Variants in COL19A1 observed in about 807,000 individuals in gnomAD.
The protein encoded by COL19A1 is collagen alpha-1(XIX) chain.
Under a neutral mutation model 190.2 loss-of-function variants are expected in COL19A1, and 159 were observed. That is an observed-to-expected ratio of 0.84 (90% CI 0.73 to 0.95). The LOEUF is 0.95. COL19A1 is among the 40% of genes least tolerant of loss of function. The pLI, the probability that COL19A1 is intolerant of heterozygous loss-of-function variation, is 0.00. For synonymous variants in COL19A1, 509 were observed against 458.9 expected, an observed-to-expected ratio of 1.11 and a Z score of -1.39; for missense variants, 1,418 against 1,431.9, an observed-to-expected ratio of 0.99 and a Z score of 0.16.
intron 14 of COL19A1, among the ~76,000 whole-genome samples, chr6:70,063,628 G>A (rs1456722193): frequency 1.3e-5 from 2 of 152,052 alleles, no homozygotes; most frequent in Non-Finnish European, 2.9e-5. Context: ...AAATAACTAA[G>A]ATCAGAGCAG....
intron 11 of COL19A1, among the ~76,000 whole-genome samples, chr6:69,984,753 T>G (rs1776224487): frequency 6.6e-6 from 1 of 152,198 alleles, no homozygotes; most frequent in African/African-American, 2.4e-5. Context: ...ACTTTATACT[T>G]TAATGACAAT....
intron 4 of COL19A1, among the ~76,000 whole-genome samples, chr6:69,918,118 G>A (rs1429459891): frequency 6.6e-6 from 1 of 152,146 alleles, no homozygotes; most frequent in Non-Finnish European, 1.5e-5. Flanking sequence ...GAGGAAGGCA[G>A]GAGTCAGATC....
chr6:70,064,713 C>CA (rs1256931997), intron 14 of COL19A1, among the ~76,000 whole-genome samples: 4 of 152,158 alleles, frequency 2.6e-5, no homozygotes, highest in African/African-American at 9.7e-5. Context: ...TAGAAAACCC[C>CA]ATCGTCTCAG....
At chr6:70,193,121 G>T (rs1354800237) in intron 48 of COL19A1, among the ~76,000 whole-genome samples, 1 of 151,104 alleles carries the variant, frequency 6.6e-6, no homozygotes, top group Non-Finnish European at 1.5e-5. Context: ...AAAGTGACAT[G>T]TTGAGATATA....
At chr6:69,988,399 T>C (rs1776423894) in intron 11 of COL19A1, among the ~76,000 whole-genome samples, 1 of 152,218 alleles carries the variant, frequency 6.6e-6, no homozygotes, top group South Asian at 2.1e-4. Context: ...AAGGGTCTTC[T>C]GCCCTCCACC....
intron 4 of COL19A1, among the ~76,000 whole-genome samples, chr6:69,909,725 C>T (rs140811826): frequency 7.9e-5 from 12 of 152,248 alleles, no homozygotes; most frequent in Non-Finnish European, 1.3e-4. Context: ...ACAAACATTA[C>T]ATAAGCCCCT....
intron 14 of COL19A1, among the ~76,000 whole-genome samples, chr6:70,055,524 G>A (rs978057913): frequency 6.6e-6 from 1 of 152,040 alleles, no homozygotes; most frequent in Admixed American, 6.6e-5. Flanking sequence ...GCTCATGCTT[G>A]TAATCCCAGC....
At chr6:69,960,140 T>G (rs1157776689) in intron 10 of COL19A1, 100 bp downstream of exon 10, 1 of 1,185,322 alleles carries the variant, frequency 8.4e-7, no homozygotes, top group Non-Finnish European at 1.2e-6. Context: ...TAAGCTGAAT[T>G]CACTCAAAGA....
chr6:70,089,927 A>G (rs9454964), intron 15 of COL19A1, among the ~76,000 whole-genome samples: 2,327 of 152,264 alleles, frequency 0.015, 45 homozygotes, highest in South Asian at 0.048. Flanking sequence ...ATCAGAGAAT[A>G]ATAGATACTA....
intron 11 of COL19A1, among the ~76,000 whole-genome samples, chr6:70,010,496 T>G (rs1455934001): frequency 7.0e-6 from 1 of 142,384 alleles, no homozygotes; most frequent in Non-Finnish European, 1.5e-5. Context: ...CAGGCCAGTG[T>G]GTGTGCGCAC....
At chr6:69,939,577 G>T (rs1773322381) in intron 9 of COL19A1, among the ~76,000 whole-genome samples, 1 of 152,064 alleles carries the variant, frequency 6.6e-6, no homozygotes, top group South Asian at 2.1e-4. Flanking sequence ...AAGCAATTCA[G>T]TATTATGTAT....
intron 14 of COL19A1, among the ~76,000 whole-genome samples, chr6:70,066,766 T>G: frequency 6.6e-6 from 1 of 152,180 alleles, no homozygotes; most frequent in East Asian, 1.9e-4. Context: ...TGTTAATTAT[T>G]TTTAAATTAG....
chr6:70,118,556 C>T (rs1784713566), intron 16 of COL19A1, among the ~76,000 whole-genome samples: 1 of 151,988 alleles, frequency 6.6e-6, no homozygotes, highest in Non-Finnish European at 1.5e-5. Flanking sequence ...TTTGTGGTAC[C>T]CAAACTATCC....
intron 33 of COL19A1, 112 bp from the exon 34 acceptor site, chr6:70,156,558 C>A: frequency 8.1e-7 from 1 of 1,231,508 alleles, no homozygotes; most frequent in Non-Finnish European, 1.2e-6. Flanking sequence ...TTTATTTGTT[C>A]CCTGACCCTG....
rs913104753 is a variant in COL19A1 at position 69,978,905 on chromosome 6, G to T, written c.1026+16035G>T. ...GAAATAAGAAAAAAAAATGACCACA[G>T]ATAGTAGATGGACTTAAAGAATTCT... On this transcript the variant is annotated intron_variant, in intron 11 of 50. Coordinates refer to ENST00000620364, the MANE Select transcript of COL19A1 (RefSeq NM_001858.6). Among the ~76,000 whole-genome samples, 4 of 151,678 alleles carry T rather than the reference G, an allele frequency of 2.6e-5. No homozygotes were observed. The East Asian group carries it at 7.7e-4, about 29-fold the overall frequency.
At chr6:69,929,806 A>G in intron 6 of COL19A1, 106 bp downstream of exon 6, 2 of 1,037,862 alleles carry the variant, frequency 1.9e-6, no homozygotes, top group Non-Finnish European at 2.7e-6. Flanking sequence ...TTCCCTTCTC[A>G]TCAATTTTAT....
chr6:70,017,219 C>G (rs1380965696), intron 11 of COL19A1, among the ~76,000 whole-genome samples: 1 of 151,884 alleles, frequency 6.6e-6, no homozygotes, highest in Admixed American at 6.6e-5. Flanking sequence ...ATCAATTAAG[C>G]TAGACAAAAA....
chr6:69,927,865 A>T, intron 4 of COL19A1, 44 bp from the exon 5 acceptor site: 1 of 1,568,776 alleles, frequency 6.4e-7, no homozygotes, highest in Non-Finnish European at 8.7e-7. Flanking sequence ...ATTTTCTTGC[A>T]ATCTCCAGTT....
intron 11 of COL19A1, among the ~76,000 whole-genome samples, chr6:69,992,808 T>C (rs1776703270): frequency 1.3e-5 from 2 of 152,280 alleles, no homozygotes; most frequent in South Asian, 4.1e-4. Flanking sequence ...TGATTTTGTA[T>C]CCTGAAACTT....
Sources: allele counts gnomAD v4.1 joint callset (sites outside exome capture counted in the v4.1 genomes callset), GRCh38; gene constraint gnomAD v4.1.1; transcripts MANE v1.5; gene names NCBI Gene and HGNC (gene_info 2026-07-23, HGNC 2026-07-21).